The following ANGPT4 variants were observed in gnomAD, a reference collection of about 807,000 sequenced individuals.
ANGPT4 encodes angiopoietin-4.
Under a neutral mutation model 53.0 loss-of-function variants are expected in ANGPT4, and 50 were observed. The ratio of observed to expected loss-of-function variants is 0.94; its 90% CI spans 0.75 to 1.20. The LOEUF (loss-of-function observed/expected upper bound fraction) is 1.20. Ranked by LOEUF, ANGPT4 falls within the 50% of genes most tolerant of loss-of-function variation. ANGPT4 has a pLI of 0.00. For missense variants in ANGPT4, 648 were observed against 637.1 expected (o/e 1.02, Z -0.18); for synonymous variants, 251 against 259.7 (o/e 0.97, Z 0.32).
intron 1 of ANGPT4, among the ~76,000 whole-genome samples, chr20:906,367 G>T (rs1982480511): frequency 6.6e-6 from 1 of 152,116 alleles, no homozygotes; most frequent in African/African-American, 2.4e-5. Context: ...TCAGATGAGT[G>T]CAGCCCTAGC....
Position 908,611 on chromosome 20 carries a change from A to G in ANGPT4, c.309+7295T>C, listed in dbSNP as rs986269672. 3.9e-5 allele frequency among the ~76,000 whole-genome samples: 6 copies of G among 152,198 alleles called. No individual in the cohort carries two copies. The highest frequency in any genetic ancestry group is 1.2e-4 in the African/African-American group (5 of 41,446). On this transcript the variant is annotated intron_variant, in intron 1 of 8. Transcript: ENST00000381922. This position sits in a 1 kb window ranked among gnomAD's most constrained non-coding sequence, Gnocchi z 4.9. ...ACTGCTCCAGGGGCAAGGGGGAAGG[A>G]TGGTCTTCCTTGCTCACTACTAAAT...
rs191175583 is a variant in ANGPT4, at chr20:893,598, C to T, written c.310-3230G>A. Reference sequence around the variant, plus strand: ...TGCTAATGGAGCCATCACCATCTCCCACCCAGACTTCTCCCCTGCATGTCC... The same window carrying T: ...TGCTAATGGAGCCATCACCATCTCCTACCCAGACTTCTCCCCTGCATGTCC... On this transcript the variant is annotated intron_variant, in intron 1 of 8. Coordinates refer to ENST00000381922, the MANE Select transcript of ANGPT4 (RefSeq NM_015985.4). Among the ~76,000 whole-genome samples, 14 of 152,280 alleles carry T rather than the reference C, an allele frequency of 9.2e-5. No individual in the cohort carries two copies. In the East Asian group the frequency reaches 2.7e-3, roughly 29 times the overall value.
In ANGPT4 at chr20:908,773, G is replaced by T. The variant is rs1982582582; in HGVS notation, c.309+7133C>A. Among the ~76,000 whole-genome samples, 2 of 146,504 alleles carry T rather than the reference G, an allele frequency of 1.4e-5. No individual in the cohort carries two copies. The highest frequency in any genetic ancestry group is 3.0e-5 in the Non-Finnish European group (2 of 66,166). ...GAGTTGTGTATACACATTTGTGTTT[G>T]TGTGTGGTGGGGGGCAGGAGTCGGG... On this transcript the variant is annotated intron_variant, in intron 1 of 8. Transcript: ENST00000381922. The surrounding 1 kb of genome is among the most constrained non-coding windows in gnomAD (Gnocchi z 4.9).
chr20:886,590 C>G (rs1435114941), intron 3 of ANGPT4, among the ~76,000 whole-genome samples: 1 of 152,224 alleles, frequency 6.6e-6, no homozygotes, highest in Admixed American at 6.5e-5. Flanking sequence ...TACACCTAAC[C>G]TGCTGAACAT....
rs906215525 is a variant in ANGPT4 at position 914,090 on chromosome 20, A to G, written c.309+1816T>C. Among the ~76,000 whole-genome samples, 3 of 152,172 alleles carry G rather than the reference A, an allele frequency of 2.0e-5. No individual in the cohort carries two copies. Among genetic ancestry groups the G allele is most frequent in the African/African-American group, 4.8e-5 (2 of 41,434 alleles). ...TGAGAGATTGGAAGGACATTTATGC[A>G]TTCATGCATTCACTCATGCTACAGA... is the stretch of plus-strand genomic sequence containing the variant. On this transcript the variant is annotated intron_variant, in intron 1 of 8. Coordinates refer to ENST00000381922, the MANE Select transcript of ANGPT4 (RefSeq NM_015985.4). This position sits in a 1 kb window ranked among gnomAD's most constrained non-coding sequence, Gnocchi z 5.0.
intron 1 of ANGPT4, among the ~76,000 whole-genome samples, chr20:904,332 C>T (rs1334748500): frequency 6.6e-6 from 1 of 152,226 alleles, no homozygotes; most frequent in East Asian, 1.9e-4. Context: ...CCTCAGCTTG[C>T]CATTCCACAC....
chr20:873,162 C>A, intron 8 of ANGPT4, 42 bp from the exon 9 acceptor site: 1 of 1,604,734 alleles, frequency 6.2e-7, no homozygotes, highest in Non-Finnish European at 8.5e-7. Flanking sequence ...GAGGTGGGAG[C>A]CCAGCCAGTG....
chr20:881,304 A>G lies in ANGPT4; in HGVS notation c.836-18T>C. ...TATGAAGGCTGCAAAGGGACAACAC[A>G]AAAGTCAGTTGGAGGTGGGCAAGGA... On this transcript the variant is annotated intron_variant, in intron 4 of 8. Coordinates refer to ENST00000381922, the MANE Select transcript of ANGPT4 (RefSeq NM_015985.4). 1 of 1,611,058 alleles carries G rather than the reference A, an allele frequency of 6.2e-7. No homozygotes were observed. Among genetic ancestry groups the G allele is most frequent in the Non-Finnish European group, 8.5e-7 (1 of 1,177,214 alleles).
At chr20:909,198 T>A (rs1265076830) in intron 1 of ANGPT4, among the ~76,000 whole-genome samples, 1 of 152,094 alleles carries the variant, frequency 6.6e-6, no homozygotes, top group East Asian at 1.9e-4. Context: ...GGTTTATGAG[T>A]CAATGTTTAT....
At chr20:905,541 G>C (rs906968608) in intron 1 of ANGPT4, among the ~76,000 whole-genome samples, 22 of 152,094 alleles carry the variant, frequency 1.4e-4, no homozygotes, top group African/African-American at 5.1e-4. Flanking sequence ...GAGCTAACTG[G>C]TGCCAGGGCA....
intron 1 of ANGPT4, among the ~76,000 whole-genome samples, chr20:899,067 C>T (rs1268841247): frequency 2.0e-5 from 3 of 152,188 alleles, no homozygotes; most frequent in Non-Finnish European, 4.4e-5. Context: ...ATCACAGATG[C>T]TTTAGGTAAC....
intron 2 of ANGPT4, 130 bp from the exon 3 acceptor site, chr20:888,569 T>C: frequency 7.7e-6 from 11 of 1,423,940 alleles, no homozygotes; most frequent in Non-Finnish European, 1.0e-5. Context: ...TCGTAGTTCC[T>C]GTGGTTACTC....
chr20:872,704 C>A lies in ANGPT4; in HGVS notation c.*256G>T. On this transcript the variant is annotated 3_prime_UTR_variant, in exon 9 of 9. Coordinates refer to ENST00000381922, the MANE Select transcript of ANGPT4 (RefSeq NM_015985.4). The stretch of plus-strand genomic sequence containing the variant: ...GTACTGTGACCCTCAGGCAGGGAGC[C>A]CCTGAAGGGGGAGGGAGAGAAGAGG... The A allele has an allele frequency of 2.0e-6, 1 of 492,994 alleles. No individual in the cohort carries two copies. Among genetic ancestry groups the A allele is most frequent in the South Asian group, 2.4e-5 (1 of 41,612 alleles). The allele number at this position is 492,994 out of a possible 1,614,324, so 30.5% of individuals were successfully genotyped here.
intron 2 of ANGPT4, among the ~76,000 whole-genome samples, chr20:889,319 C>T (rs1253625877): frequency 1.3e-5 from 2 of 152,168 alleles, no homozygotes; most frequent in Non-Finnish European, 2.9e-5. Flanking sequence ...CATGCAATTT[C>T]GTCATTGTGC....
intron 1 of ANGPT4, among the ~76,000 whole-genome samples, chr20:899,395 C>T (rs564311162): frequency 3.3e-5 from 5 of 151,990 alleles, no homozygotes; most frequent in African/African-American, 1.2e-4. Flanking sequence ...CTACAGGTGC[C>T]TGCCACCACG....
chr20:902,265 A>G (rs1405907007), intron 1 of ANGPT4, among the ~76,000 whole-genome samples: 1 of 152,138 alleles, frequency 6.6e-6, no homozygotes, highest in Non-Finnish European at 1.5e-5. Context: ...GTATATAAAC[A>G]CTAGGAGTCC....
chr20:883,748 A>T (rs1391395439), intron 4 of ANGPT4, among the ~76,000 whole-genome samples: 1 of 152,234 alleles, frequency 6.6e-6, no homozygotes, highest in African/African-American at 2.4e-5. Flanking sequence ...CCAGTGGGTT[A>T]GTGGGAGGCA....
chr20:909,636 T>C (rs1982623444), intron 1 of ANGPT4, among the ~76,000 whole-genome samples: 1 of 152,176 alleles, frequency 6.6e-6, no homozygotes, highest in Admixed American at 6.5e-5. Context: ...ATCTCCTCAA[T>C]AACCTGCAAA....
intron 1 of ANGPT4, among the ~76,000 whole-genome samples, chr20:895,757 G>A (rs1982022361): frequency 6.6e-6 from 1 of 152,170 alleles, no homozygotes; most frequent in African/African-American, 2.4e-5. Context: ...CCATTGATGT[G>A]TGCAAACACA....
Sources: gnomAD v4.1 joint callset for allele counts (sites outside exome capture counted in the v4.1 genomes callset) on GRCh38, gnomAD v4.1.1 for gene constraint, Gnocchi (gnomAD v3.1) non-coding constraint, MANE v1.5 for transcripts, NCBI Gene and HGNC (gene_info 2026-07-23, HGNC 2026-07-21) for gene names.